Variants in RYR2 observed in about 807,000 individuals in gnomAD.
RYR2 encodes ryanodine receptor 2, also known as cardiac muscle ryanodine receptor-calcium release channel.
Under a neutral mutation model 601.1 loss-of-function variants are expected in RYR2, and 227 were observed. The ratio of observed to expected loss-of-function variants is 0.38; its 90% CI spans 0.34 to 0.42. The LOEUF (loss-of-function observed/expected upper bound fraction) is 0.42. Ranked by LOEUF, RYR2 falls within the 10% of genes least tolerant of loss-of-function variation. The probability of loss-of-function intolerance (pLI) is 1.00; values close to 1 mark genes in which losing one functional copy is unlikely to be tolerated. For synonymous variants in RYR2, 2,223 were observed against 2,175.1 expected (o/e 1.02, Z -0.61); for missense variants, 4,646 against 6,156.5 (o/e 0.75, Z 8.21).
At chr1:237,103,860 C>T (rs1668388265) in intron 1 of RYR2, among the ~76,000 whole-genome samples, 1 of 152,164 alleles carries the variant, frequency 6.6e-6, no homozygotes, top group Non-Finnish European at 1.5e-5. Flanking sequence ...TGAGCCACCG[C>T]GGCCAGCCCC....
At chr1:237,679,811 T>C (rs1386823080) in intron 61 of RYR2, among the ~76,000 whole-genome samples, 1 of 151,356 alleles carries the variant, frequency 6.6e-6, no homozygotes, top group East Asian at 2.0e-4. Flanking sequence ...AGGACCAGAG[T>C]GAATAGGATA....
chr1:237,764,447 T>A (rs1476437220), intron 84 of RYR2, among the ~76,000 whole-genome samples: 1 of 150,060 alleles, frequency 6.7e-6, no homozygotes, highest in Non-Finnish European at 1.5e-5. Flanking sequence ...GACTTACTGT[T>A]TGTTTATTTA....
intron 2 of RYR2, among the ~76,000 whole-genome samples, chr1:237,287,547 G>A (rs1047798694): frequency 3.3e-5 from 5 of 152,000 alleles, no homozygotes; most frequent in South Asian, 2.1e-4. Context: ...GGCTTAATTC[G>A]AAGACCTTGT....
chr1:237,662,746 C>T (rs995296550), intron 56 of RYR2, among the ~76,000 whole-genome samples: 1 of 152,186 alleles, frequency 6.6e-6, no homozygotes, highest in African/African-American at 2.4e-5. Context: ...TTCACGGTGA[C>T]ATGTGATTTT....
At position 237,374,945 on chromosome 1, in the gene RYR2, G is replaced by A. The variant is rs567859551; in HGVS notation, c.463+150G>A. ...CTAATGAAAGTTTTTCCTAGAAGGGGAAAGTGTATATCATTCCTCTTGGTT... is the reference window on the plus strand; with the variant it reads ...CTAATGAAAGTTTTTCCTAGAAGGGAAAAGTGTATATCATTCCTCTTGGTT... On this transcript the variant is annotated intron_variant, in intron 7 of 104. Coordinates refer to ENST00000366574, the MANE Select transcript of RYR2 (RefSeq NM_001035.3). The A allele has an allele frequency of 1.0e-3, 637 of 629,750 alleles. 4 individuals carry two copies. In the African/African-American group the frequency reaches 0.011, roughly 11 times the overall value. 39.0% of individuals were successfully genotyped at this position (629,750 alleles called of 1,614,324 possible).
intron 18 of RYR2, among the ~76,000 whole-genome samples, 165 bp downstream of exon 18, chr1:237,492,089 G>A (rs1378836511): frequency 3.9e-5 from 6 of 152,192 alleles, no homozygotes; most frequent in Admixed American, 3.9e-4. Context: ...CTGGAGTGCA[G>A]TGGCGCGATC....
Position 237,550,589 on chromosome 1 carries a change from C to T in RYR2, c.3112C>T (p.Leu1038=). ...RNPRLVPYTL[L]DDRTKKSNKD... ...TCCTCGCCTTGTTCCCTACACTCTT[C>T]TGGATGACCGAACCAAGAAATCCAA... Residue 1038 remains leucine, a synonymous_variant, in exon 27 of 105, where the codon CTG becomes TTG. Coordinates refer to ENST00000366574, the MANE Select transcript of RYR2 (RefSeq NM_001035.3). The T allele has an allele frequency of 6.2e-7, 1 of 1,606,972 alleles. No homozygotes were observed. The highest frequency in any genetic ancestry group is 8.5e-7 in the Non-Finnish European group (1 of 1,176,644).
Position 237,536,309 on chromosome 1 carries a change from A to G in RYR2, c.2906+5799A>G, listed in dbSNP as rs924603313. Among the ~76,000 whole-genome samples, 8 of 152,346 alleles carry G rather than the reference A, an allele frequency of 5.3e-5. No homozygotes were observed. In the East Asian group the frequency reaches 1.4e-3, roughly 26 times the overall value. On this transcript the variant is annotated intron_variant, in intron 25 of 104. Transcript: ENST00000366574. ...GGAAAAAAATCTGTGCATCAAAAGC[A>G]TCTGTTAATCCCAGCACTTTGGGAG...
intron 73 of RYR2, among the ~76,000 whole-genome samples, chr1:237,721,388 A>G (rs1689705124): frequency 6.6e-6 from 1 of 152,212 alleles, no homozygotes; most frequent in Non-Finnish European, 1.5e-5. Context: ...TGACATTTTA[A>G]CTAGGCACTC....
chr1:237,769,207 A>C (rs1044152083), intron 84 of RYR2, among the ~76,000 whole-genome samples: 2 of 152,194 alleles, frequency 1.3e-5, no homozygotes, highest in African/African-American at 4.8e-5. Context: ...TAATGAACTC[A>C]TAATATTTTG....
At chr1:237,473,091 TA>T (rs1379592389) in intron 17 of RYR2, among the ~76,000 whole-genome samples, 3 of 152,084 alleles carry the variant, frequency 2.0e-5, no homozygotes, top group Non-Finnish European at 4.4e-5. Context: ...ATAGGGCTGT[TA>T]GGGGGATTAA....
intron 54 of RYR2, among the ~76,000 whole-genome samples, chr1:237,658,493 G>A (rs930674183): frequency 2.0e-5 from 3 of 152,124 alleles, no homozygotes; most frequent in African/African-American, 7.2e-5. Context: ...CCGGGCTCGA[G>A]CAATCCTCCT....
In RYR2 at chr1:237,589,774, AT is replaced by A. The variant is rs11331089; in HGVS notation, c.3599-9del. The stretch of plus-strand genomic sequence containing the variant: ...CATATACTAATGGTACTAAAACTTG[AT>A]TTTTTTTTTCTTCCCAGGATTCATA... On this transcript the variant is annotated intron_variant, in intron 29 of 104. Transcript: ENST00000366574. 0.43 allele frequency: 674,332 copies of A among 1,577,122 alleles called. 146,468 individuals carry two copies. The highest frequency in any genetic ancestry group is 0.55 in the Admixed American group (32,144 of 58,614).
At position 237,694,400 on chromosome 1, in the gene RYR2, A is replaced by G. The variant is rs150415985; in HGVS notation, c.9068-4565A>G. 3.7e-3 allele frequency among the ~76,000 whole-genome samples: 568 copies of G among 152,250 alleles called. 4 individuals carry two copies. The highest frequency in any genetic ancestry group is 0.013 in the African/African-American group (535 of 41,544). On this transcript the variant is annotated intron_variant, in intron 63 of 104. Coordinates refer to ENST00000366574, the MANE Select transcript of RYR2 (RefSeq NM_001035.3). ...ATTAAGTTGAGAATGTAATGGTTCA[A>G]TCATGCGCAATCTGTAACTATTTTC... is the stretch of plus-strand genomic sequence containing the variant.
chr1:237,351,854 C>CAAAAAAAA (rs33955032), intron 3 of RYR2, among the ~76,000 whole-genome samples: 3 of 40,948 alleles, frequency 7.3e-5, no homozygotes, highest in Non-Finnish European at 9.4e-5. Flanking sequence ...AAAGACCATG[C>CAAAAAAAA]AAAAAAAAAA....
intron 29 of RYR2, among the ~76,000 whole-genome samples, chr1:237,577,767 A>G (rs1673430865): frequency 6.6e-6 from 1 of 152,154 alleles, no homozygotes; most frequent in African/African-American, 2.4e-5. Context: ...GTCACAAACA[A>G]AAGTTTATCA....
At position 237,602,103 on chromosome 1, in the gene RYR2, A is replaced by G; in HGVS notation, c.4675A>G (p.Arg1559Gly). 1 of 1,611,386 alleles carries G rather than the reference A, an allele frequency of 6.2e-7. No homozygotes were observed. The highest frequency in any genetic ancestry group is 8.5e-7 in the Non-Finnish European group (1 of 1,178,368). The change falls in exon 35 of 105, where the codon AGA becomes GGA. Residue 1559 changes from arginine (R) to glycine (G), a missense_variant. By Grantham distance (125) the Arg-to-Gly change is moderately radical (BLOSUM62 -2). This residue lies in a region of RYR2 where 1,807 missense variants were observed against 2,088.1 expected (regional missense o/e 0.87). Coordinates refer to ENST00000366574, the MANE Select transcript of RYR2 (RefSeq NM_001035.3). ...SPNVFQFELG[R>G]IKNVMPLSAG... ...CAATGTTTTCCAGTTTGAGTTGGGA[A>G]GAATAAAGGTAATAAAACTTATTCC...
chr1:237,295,720 A>G (rs1394308097), intron 2 of RYR2, among the ~76,000 whole-genome samples: 1 of 152,198 alleles, frequency 6.6e-6, no homozygotes, highest in African/African-American at 2.4e-5. Context: ...ATCTTTTAAT[A>G]TATGTGATAG....
At chr1:237,395,170 A>AGATCT (rs1463792340) in intron 10 of RYR2, among the ~76,000 whole-genome samples, 1 of 152,166 alleles carries the variant, frequency 6.6e-6, no homozygotes, top group African/African-American at 2.4e-5. Flanking sequence ...CAACAACACT[A>AGATCT]TATTCAGGAT....
Sources: gnomAD v4.1 joint callset for allele counts (sites outside exome capture counted in the v4.1 genomes callset) on GRCh38, gnomAD v4.1.1 for gene constraint, gnomAD v4.1.1 regional missense constraint, MANE v1.5 for transcripts, NCBI Gene and HGNC (gene_info 2026-07-23, HGNC 2026-07-21) for gene names.